Variants in ZCWPW2 observed in about 807,000 individuals in gnomAD.
ZCWPW2 encodes the protein zinc finger CW-type PWWP domain protein 2.
ZCWPW2 carries 45 observed loss-of-function variants against 46.6 expected under a neutral mutation model. That is an observed-to-expected ratio of 0.96 (90% CI 0.76 to 1.24). The LOEUF is 1.24. Among genes scored for constraint, ZCWPW2 ranks in the 50% most tolerant of loss-of-function variants. The pLI, the probability that ZCWPW2 is intolerant of heterozygous loss-of-function variation, is 0.00. For synonymous variants in ZCWPW2, 152 were observed against 137.1 expected (o/e 1.11, Z -0.76); for missense variants, 429 against 403.9 (o/e 1.06, Z -0.53).
At chr3:28,454,803 A>G (rs767896604) in intron 4 of ZCWPW2, among the ~76,000 whole-genome samples, 9 of 152,234 alleles carry the variant, frequency 5.9e-5, no homozygotes, top group Non-Finnish European at 1.3e-4. Context: ...TGTCTGTGCA[A>G]AGGACATGAT....
chr3:28,454,586 G>C lies in ZCWPW2; in HGVS notation c.492+19317G>C, dbSNP rs1029379372. ...GCAGCACAGGTCATCCCATCACCCAGGTATTAAGCCCAGCATCCCCTATCT... is the reference window on the plus strand; with the variant it reads ...GCAGCACAGGTCATCCCATCACCCACGTATTAAGCCCAGCATCCCCTATCT... On this transcript the variant is annotated intron_variant, in intron 4 of 9. Coordinates refer to ENST00000383768, the MANE Select transcript of ZCWPW2 (RefSeq NM_001040432.4). Among the ~76,000 whole-genome samples, 4 of 152,108 alleles carry C rather than the reference G, an allele frequency of 2.6e-5. No individual in the cohort carries two copies. In the East Asian group the frequency reaches 7.7e-4, roughly 29 times the overall value.
chr3:28,389,968 G>C (rs895422980), intron 1 of ZCWPW2, among the ~76,000 whole-genome samples: 3 of 152,172 alleles, frequency 2.0e-5, no homozygotes, highest in Non-Finnish European at 4.4e-5. Flanking sequence ...ATCAATTTTA[G>C]TGTTAATCTT....
At chr3:28,446,817 A>C (rs1246819345) in intron 4 of ZCWPW2, among the ~76,000 whole-genome samples, 1 of 152,144 alleles carries the variant, frequency 6.6e-6, no homozygotes, top group Non-Finnish European at 1.5e-5. Flanking sequence ...TACTAAAGTC[A>C]GAAATAAAGC....
chr3:28,349,244 C>T (rs552162861), intron 1 of ZCWPW2, 41 bp downstream of exon 1: 3 of 978,430 alleles, frequency 3.1e-6, no homozygotes, highest in Non-Finnish European at 3.6e-6. Context: ...GGGCCGAGGT[C>T]CCCCTTCAGG....
chr3:28,458,985 T>C (rs970070566), intron 4 of ZCWPW2, among the ~76,000 whole-genome samples: 1 of 152,240 alleles, frequency 6.6e-6, no homozygotes, highest in African/African-American at 2.4e-5. Flanking sequence ...GTTCGTTTTG[T>C]GTTTTTTTGT....
At chr3:28,439,138 AG>A (rs1366212914) in intron 4 of ZCWPW2, among the ~76,000 whole-genome samples, 1 of 135,960 alleles carries the variant, frequency 7.4e-6, no homozygotes, top group Non-Finnish European at 1.6e-5. Context: ...CACACATCAT[AG>A]GATGTGTATA....
chr3:28,444,514 G>A (rs1016175798), intron 4 of ZCWPW2, among the ~76,000 whole-genome samples: 1 of 152,072 alleles, frequency 6.6e-6, no homozygotes, highest in Non-Finnish European at 1.5e-5. Context: ...CTTCATCAGG[G>A]TCCTCCCACA....
chr3:28,359,906 C>G (rs1704877578), intron 1 of ZCWPW2, among the ~76,000 whole-genome samples: 1 of 152,036 alleles, frequency 6.6e-6, no homozygotes, highest in Admixed American at 6.6e-5. Context: ...TTGGTCACTT[C>G]TCATGTTTTA....
chr3:28,445,266 T>C (rs1244227923), intron 4 of ZCWPW2, among the ~76,000 whole-genome samples: 1 of 151,874 alleles, frequency 6.6e-6, no homozygotes, highest in African/African-American at 2.4e-5. Context: ...ATTATTAGTC[T>C]AAAAGCTAGT....
chr3:28,520,051 C>G (rs1471833433), intron 8 of ZCWPW2, among the ~76,000 whole-genome samples: 1 of 148,036 alleles, frequency 6.8e-6, no homozygotes, highest in Non-Finnish European at 1.5e-5. Context: ...GTCGCCCAAG[C>G]TGGAGTGCAG....
chr3:28,405,354 A>T (rs2125732995), intron 2 of ZCWPW2, among the ~76,000 whole-genome samples: 1 of 152,274 alleles, frequency 6.6e-6, no homozygotes, highest in Middle Eastern at 3.4e-3. Flanking sequence ...TGGTACTGAG[A>T]AGTGGAGGTG....
chr3:28,491,752 A>G (rs540429124), intron 5 of ZCWPW2, among the ~76,000 whole-genome samples: 1 of 152,232 alleles, frequency 6.6e-6, no homozygotes, highest in East Asian at 1.9e-4. Flanking sequence ...TGTCCAGCAT[A>G]TAATAGATAG....
intron 6 of ZCWPW2, among the ~76,000 whole-genome samples, chr3:28,505,077 G>GT (rs1575218290): frequency 1.3e-5 from 2 of 152,156 alleles, no homozygotes; most frequent in Non-Finnish European, 2.9e-5. Context: ...AGCCAGGATT[G>GT]TAAGTGTTAA....
intron 6 of ZCWPW2, among the ~76,000 whole-genome samples, chr3:28,500,755 G>A (rs1036988866): frequency 1.3e-5 from 2 of 152,132 alleles, no homozygotes; most frequent in Non-Finnish European, 2.9e-5. Context: ...TGGAATTCAT[G>A]TACTGCAACT....
chr3:28,352,271 C>T (rs773555543), intron 1 of ZCWPW2, among the ~76,000 whole-genome samples: 1 of 152,160 alleles, frequency 6.6e-6, no homozygotes, highest in Non-Finnish European at 1.5e-5. Flanking sequence ...GGGCAACATA[C>T]ATCCTTTACC....
At chr3:28,515,966 C>A (rs1700555262) in intron 8 of ZCWPW2, among the ~76,000 whole-genome samples, 1 of 152,040 alleles carries the variant, frequency 6.6e-6, no homozygotes, top group South Asian at 2.1e-4. Flanking sequence ...ACCAGCCAGG[C>A]ACGGTGGCTC....
intron 1 of ZCWPW2, among the ~76,000 whole-genome samples, chr3:28,364,681 A>T (rs562414890): frequency 2.6e-5 from 4 of 151,938 alleles, no homozygotes; most frequent in African/African-American, 9.7e-5. Context: ...TTTAGGGTAC[A>T]TGTGCACAAC....
rs114255353 is a variant in ZCWPW2, at chr3:28,439,652, A to G, written c.492+4383A>G. 6.3e-3 allele frequency among the ~76,000 whole-genome samples: 963 copies of G among 152,322 alleles called. 9 individuals are homozygous for G. The highest frequency in any genetic ancestry group is 0.022 in the African/African-American group (909 of 41,564). ...TAATGAGATCATAATTATGCCTAAC[A>G]TAATACAACTATCCTTTGTATAATC... is the stretch of plus-strand genomic sequence containing the variant. On this transcript the variant is annotated intron_variant, in intron 4 of 9. Coordinates refer to ENST00000383768, the MANE Select transcript of ZCWPW2 (RefSeq NM_001040432.4).
chr3:28,401,252 T>C (rs1347004775), intron 2 of ZCWPW2, among the ~76,000 whole-genome samples: 3 of 151,016 alleles, frequency 2.0e-5, no homozygotes, highest in Admixed American at 6.6e-5. Flanking sequence ...GAAAGATGAA[T>C]GGAATGGAAC....
Sources: gnomAD v4.1 joint callset for allele counts (sites outside exome capture counted in the v4.1 genomes callset) on GRCh38, gnomAD v4.1.1 for gene constraint, MANE v1.5 for transcripts, NCBI Gene and HGNC (gene_info 2026-07-23, HGNC 2026-07-21) for gene names.